The following PRKCH variants were observed in gnomAD, a reference collection of about 807,000 sequenced individuals.
PRKCH encodes the protein protein kinase C eta type.
Under a neutral mutation model 82.5 loss-of-function variants are expected in PRKCH, and 28 were observed. The ratio of observed to expected loss-of-function variants is 0.34; its 90% CI spans 0.25 to 0.47. PRKCH has a LOEUF of 0.47. PRKCH is among the 20% of genes least tolerant of loss of function. The pLI is 1.00. For synonymous variants in PRKCH, 322 were observed against 327.4 expected (o/e 0.98, Z 0.18); for missense variants, 705 against 881.8 (o/e 0.80, Z 2.54).
At chr14:61,518,628 C>G (rs141214815) in intron 10 of PRKCH, among the ~76,000 whole-genome samples, 1 of 151,974 alleles carries the variant, frequency 6.6e-6, no homozygotes, top group African/African-American at 2.4e-5. Flanking sequence ...TACCGTGAGA[C>G]AAAGTGAGGG....
Position 61,457,543 on chromosome 14 carries a change from A to G in PRKCH, c.1142A>G (p.Tyr381Cys), listed in dbSNP as rs755948083. The change falls in exon 9 of 14, where the codon TAT becomes TGT. Residue 381 changes from tyrosine to cysteine, a missense_variant. This residue lies in a region of PRKCH where 238 missense variants were observed against 258.1 expected (regional missense o/e 0.92). Transcript: ENST00000332981. ...AGAGTAAAAGAAACAGGAGACCTCT[A>G]TGCTGTGAAGGTGCTGAAGAAGGAC... The part of the protein sequence containing the change: ...LARVKETGDL[Y>C]AVKVLKKDVI... 44 of 1,614,058 alleles carry G rather than the reference A, an allele frequency of 2.7e-5. No homozygotes were observed. The South Asian group carries it at 4.2e-4, about 15-fold the overall frequency.
intron 1 of PRKCH, among the ~76,000 whole-genome samples, chr14:61,376,580 CT>C (rs2046430952): frequency 2.0e-5 from 3 of 152,268 alleles, no homozygotes; most frequent in East Asian, 1.9e-4. Context: ...TTCATCATCC[CT>C]TATCCTTAGC....
intron 1 of PRKCH, among the ~76,000 whole-genome samples, chr14:61,241,621 A>G (rs1594869468): frequency 3.9e-5 from 6 of 152,344 alleles, no homozygotes; most frequent in Admixed American, 3.9e-4. Flanking sequence ...CTGTAGCACA[A>G]TGGGTTTTCA....
At chr14:61,506,997 T>C (rs983896065) in intron 10 of PRKCH, among the ~76,000 whole-genome samples, 2 of 152,012 alleles carry the variant, frequency 1.3e-5, no homozygotes, top group East Asian at 1.9e-4. Context: ...CTTGACAAAA[T>C]GGAAAGGCAA....
intron 1 of PRKCH, among the ~76,000 whole-genome samples, chr14:61,371,242 GT>G (rs1161779730): frequency 3.3e-5 from 5 of 151,982 alleles, no homozygotes; most frequent in Admixed American, 1.3e-4. Context: ...CCAACAGTCA[GT>G]TTTCTGTATT....
chr14:61,381,659 T>C (rs558896997), intron 1 of PRKCH, among the ~76,000 whole-genome samples: 1 of 152,320 alleles, frequency 6.6e-6, no homozygotes, highest in East Asian at 1.9e-4. Context: ...GCTTAGCAGC[T>C]CCCGCCTCGG....
chr14:61,249,537 A>C (rs1014283076), intron 1 of PRKCH, among the ~76,000 whole-genome samples: 3 of 151,846 alleles, frequency 2.0e-5, no homozygotes, highest in African/African-American at 7.3e-5. Flanking sequence ...AAAAAAAAAA[A>C]AGGGAAGTGT....
At chr14:61,205,174 C>T (rs17098123) in intron 1 of PRKCH, among the ~76,000 whole-genome samples, 5 of 151,994 alleles carry the variant, frequency 3.3e-5, no homozygotes, top group South Asian at 4.1e-4. Context: ...GCAACTCGTC[C>T]GTGAGCCTGG....
chr14:61,381,430 T>G (rs2046508013), intron 1 of PRKCH, among the ~76,000 whole-genome samples: 1 of 152,264 alleles, frequency 6.6e-6, no homozygotes, highest in Non-Finnish European at 1.5e-5. Context: ...TAGTATGCTT[T>G]AACACATAAC....
chr14:61,515,366 G>A (rs2042808146), intron 10 of PRKCH, among the ~76,000 whole-genome samples: 1 of 152,144 alleles, frequency 6.6e-6, no homozygotes, highest in South Asian at 2.1e-4. Flanking sequence ...CCTTATCCTC[G>A]TTCAACTTAT....
intron 12 of PRKCH, chr14:61,543,719 A>G (rs1441822821): frequency 1.3e-5 from 2 of 152,198 alleles, no homozygotes; most frequent in African/African-American, 4.8e-5. Context: ...CACAATTGTT[A>G]ACTTACTGGC....
intron 1 of PRKCH, among the ~76,000 whole-genome samples, chr14:61,237,326 G>A (rs12437325): frequency 6.6e-6 from 1 of 151,104 alleles, no homozygotes; most frequent in Admixed American, 6.6e-5. Flanking sequence ...AAAAGAAATT[G>A]AAGTATTTTA....
intron 1 of PRKCH, among the ~76,000 whole-genome samples, chr14:61,238,059 A>C (rs1425112556): frequency 6.6e-6 from 1 of 152,264 alleles, no homozygotes; most frequent in Non-Finnish European, 1.5e-5. Flanking sequence ...CTGTTTATAC[A>C]TCCAGTTAGG....
chr14:61,407,527 C>T (rs1002513477), intron 2 of PRKCH, among the ~76,000 whole-genome samples: 2 of 152,164 alleles, frequency 1.3e-5, no homozygotes, highest in African/African-American at 4.8e-5. Context: ...TCTGCTGTCC[C>T]CTTCCAGCCC....
intron 6 of PRKCH, among the ~76,000 whole-genome samples, chr14:61,452,414 G>A (rs564803589): frequency 1.3e-3 from 196 of 152,212 alleles, no homozygotes; most frequent in Non-Finnish European, 2.4e-3. Context: ...AAACAGGAAT[G>A]TGTTGCTTGT....
intron 1 of PRKCH, among the ~76,000 whole-genome samples, chr14:61,339,373 G>T (rs1594926782): frequency 6.6e-6 from 1 of 150,624 alleles, no homozygotes; most frequent in Non-Finnish European, 1.5e-5. Context: ...GCCCAGGCTG[G>T]AGCGCAGTGG....
chr14:61,432,925 G>GA (rs1234187830), intron 2 of PRKCH, among the ~76,000 whole-genome samples: 1 of 158 alleles, frequency 6.3e-3, no homozygotes, highest in East Asian at 0.5. Context: ...AAAAAAAAGT[G>GA]GGGGGGATAC....
intron 10 of PRKCH, among the ~76,000 whole-genome samples, chr14:61,508,927 GCTA>G (rs1435903687): frequency 1.3e-5 from 2 of 152,084 alleles, no homozygotes; most frequent in African/African-American, 4.8e-5. Context: ...TCAAGACAGT[GCTA>G]CCAATTAGAT....
At chr14:61,369,401 G>A (rs564543350) in intron 1 of PRKCH, among the ~76,000 whole-genome samples, 1 of 152,082 alleles carries the variant, frequency 6.6e-6, no homozygotes, top group African/African-American at 2.4e-5. Flanking sequence ...TGAGAAATTG[G>A]TGTGGTTTCA....
Sources: gnomAD v4.1 joint callset for allele counts (sites outside exome capture counted in the v4.1 genomes callset) on GRCh38, gnomAD v4.1.1 for gene constraint, gnomAD v4.1.1 regional missense constraint, MANE v1.5 for transcripts, NCBI Gene and HGNC (gene_info 2026-07-23, HGNC 2026-07-21) for gene names.